The following CDC25B variants were observed in gnomAD, a reference collection of about 807,000 sequenced individuals.
CDC25B encodes the protein M-phase inducer phosphatase 2.
In CDC25B, 33 loss-of-function variants were observed where a neutral mutation model predicts 69.8. The ratio of observed to expected loss-of-function variants is 0.47; its 90% CI spans 0.36 to 0.63. CDC25B has a LOEUF of 0.63. Ranked by LOEUF, CDC25B falls within the 30% of genes least tolerant of loss-of-function variation. The pLI, the probability that CDC25B is intolerant of heterozygous loss-of-function variation, is 0.00. For synonymous variants in CDC25B, 341 were observed against 314.6 expected (o/e 1.08, Z -0.89); for missense variants, 727 against 809.1 (o/e 0.90, Z 1.23).
In CDC25B at chr20:3,800,332, A is replaced by C. The variant is rs2089232206; in HGVS notation, c.422+3A>C. On this transcript the variant is annotated splice_donor_region_variant and intron_variant, in intron 4 of 15. Coordinates refer to ENST00000245960, the MANE Select transcript of CDC25B (RefSeq NM_021873.4). Reference sequence around the variant, plus strand: ...GCAGCCAGCCGGATCATTCGAAAGTAAGTGTTCCTGGGCCTCTTCCATCTA... The same window carrying C: ...GCAGCCAGCCGGATCATTCGAAAGTCAGTGTTCCTGGGCCTCTTCCATCTA... The C allele has an allele frequency of 6.2e-7, 1 of 1,613,952 alleles. No homozygotes were observed. Among genetic ancestry groups the C allele is most frequent in the Admixed American group, 1.7e-5 (1 of 59,984 alleles).
intron 1 of CDC25B, among the ~76,000 whole-genome samples, chr20:3,788,801 CCTT>C (rs2088867373): frequency 6.6e-6 from 1 of 150,764 alleles, no homozygotes; most frequent in African/African-American, 2.4e-5. Context: ...TCCTTCCTTT[CCTT>C]CTTTCTTTCC....
At chr20:3,801,876 T>C (rs988993644) in intron 9 of CDC25B, 48 bp from the exon 10 acceptor site, 6 of 1,585,160 alleles carry the variant, frequency 3.8e-6, no homozygotes, top group Non-Finnish European at 5.2e-6. Flanking sequence ...ATTTGAGGGA[T>C]GGGACGGGGC....
rs2089448322 is a variant in CDC25B at position 3,805,543 on chromosome 20, T to C, written c.*582T>C. On this transcript the variant is annotated 3_prime_UTR_variant, in exon 16 of 16. Transcript: ENST00000245960. ...CTCTTACTCTTTCCTATTTCAGTGT[T>C]ACCTGTGTGCTTGGTCTGTTTGACT... 1 of 384,934 alleles carries C rather than the reference T, an allele frequency of 2.6e-6. No individual in the cohort carries two copies. The highest frequency in any genetic ancestry group is 4.4e-5 in the Admixed American group (1 of 22,718). The allele number at this position is 384,934 out of a possible 1,614,324, so 23.8% of individuals were successfully genotyped here.
At chr20:3,802,231 T>A (rs756408103) in intron 10 of CDC25B, 50 bp from the exon 11 acceptor site, 1 of 1,568,570 alleles carries the variant, frequency 6.4e-7, no homozygotes, top group Admixed American at 1.7e-5. Flanking sequence ...GCCAGAGCAC[T>A]GGGGGGCAGC....
intron 11 of CDC25B, 75 bp from the exon 12 acceptor site, chr20:3,802,835 A>T: frequency 7.9e-7 from 1 of 1,270,340 alleles, no homozygotes; most frequent in South Asian, 1.2e-5. Context: ...TGGGAATGAA[A>T]CTTCATTCTT....
intron 1 of CDC25B, 134 bp from the exon 2 acceptor site, chr20:3,797,488 C>T (rs1019168484): frequency 1.0e-5 from 12 of 1,192,150 alleles, no homozygotes; most frequent in African/African-American, 1.5e-5. Flanking sequence ...AGAGGGGGCC[C>T]TCAGGGCCAT....
upstream of CDC25B, among the ~76,000 whole-genome samples, chr20:3,794,730 T>C (rs991779982): frequency 2.6e-5 from 4 of 152,132 alleles, no homozygotes; most frequent in Admixed American, 1.3e-4. Flanking sequence ...AAAGGTCACG[T>C]TCCCACCTTG....
At position 3,803,482 on chromosome 20, in the gene CDC25B, A is replaced by G; in HGVS notation, c.1435A>G (p.Lys479Glu). The change falls in exon 14 of 16, where the codon AAG becomes GAG. Residue 479 changes from lysine (K) to glutamate (E), a missense_variant. Transcript: ENST00000245960. This position sits in a 1 kb window ranked among gnomAD's most constrained non-coding sequence, Gnocchi z 4.9. ...KSPIAPCSLD[K>E]RVILIFHCEF... is the part of the protein sequence containing the mutation. ...CCCCATCGCGCCCTGTAGCCTGGACAAGAGAGTCATCCTCATTTTCCACTG... is the reference window on the plus strand; with the variant it reads ...CCCCATCGCGCCCTGTAGCCTGGACGAGAGAGTCATCCTCATTTTCCACTG... The G allele has an allele frequency of 6.8e-6, 11 of 1,613,880 alleles. No individual in the cohort carries two copies. Among genetic ancestry groups the G allele is most frequent in the East Asian group, 2.2e-5 (1 of 44,842 alleles).
In CDC25B at chr20:3,800,739, C is replaced by T. The variant is rs868511318; in HGVS notation, c.460-4C>T. 6.2e-7 allele frequency: 1 copy of T among 1,608,102 alleles called. No individual in the cohort carries two copies. Among genetic ancestry groups the T allele is most frequent in the Admixed American group, 1.7e-5 (1 of 60,020 alleles). On this transcript the variant is annotated splice_polypyrimidine_tract_variant and splice_region_variant and intron_variant, in intron 5 of 15. Transcript: ENST00000245960. The stretch of plus-strand genomic sequence containing the variant: ...TCTGCCTGCCGCCCTGCCTGGCTCT[C>T]TAGGTGAGGCTGCTGGGCCACAGCC...
chr20:3,796,329 G>A lies in CDC25B; in HGVS notation c.-203G>A, dbSNP rs911488245. 3.5e-5 allele frequency: 46 copies of A among 1,326,216 alleles called. No individual in the cohort carries two copies. The highest frequency in any genetic ancestry group is 4.3e-5 in the Non-Finnish European group (45 of 1,042,542). The allele number at this position is 1,326,216 out of a possible 1,614,324, so 82.2% of individuals were successfully genotyped here. ...GCAACTAGAGGCTTCCCTGGCTGGT[G>A]CCTGAGCCCGGCGTCCCTCGCCCCC... On this transcript the variant is annotated 5_prime_UTR_variant, in exon 1 of 16. Coordinates refer to ENST00000245960, the MANE Select transcript of CDC25B (RefSeq NM_021873.4).
At position 3,804,569 on chromosome 20, in the gene CDC25B, G is replaced by T; in HGVS notation, c.1491G>T (p.Met497Ile). 6.2e-7 allele frequency: 1 copy of T among 1,608,784 alleles called. No homozygotes were observed. Among genetic ancestry groups the T allele is most frequent in the Non-Finnish European group, 8.5e-7 (1 of 1,175,246 alleles). The change falls in exon 15 of 16, where the codon ATG becomes ATT. Residue 497 changes from methionine (M) to isoleucine (I), a missense_variant and splice_region_variant. By Grantham distance (10) the Met-to-Ile change is conservative. This residue lies in a region of CDC25B where 359 missense variants were observed against 463.4 expected (regional missense o/e 0.77). Transcript: ENST00000245960. Reference sequence around the variant, plus strand: ...CCACACCCTGCCCATGACGCCCCAGGTGCCGTTTCATCAGGGAACGAGACC... The same window carrying T: ...CCACACCCTGCCCATGACGCCCCAGTTGCCGTTTCATCAGGGAACGAGACC... ...CEFSSERGPR[M>I]CRFIRERDRA...
chr20:3,801,227 G>A, intron 7 of CDC25B, 27 bp from the exon 8 acceptor site: 2 of 1,611,718 alleles, frequency 1.2e-6, no homozygotes, highest in Non-Finnish European at 1.7e-6. Context: ...CCACCTCTAA[G>A]TCTGTGTCTG....
At position 3,796,593 on chromosome 20, in the gene CDC25B, G is replaced by A; in HGVS notation, c.62G>A (p.Gly21Asp). 6.9e-7 allele frequency: 1 copy of A among 1,443,854 alleles called. No homozygotes were observed. The highest frequency in any genetic ancestry group is 1.5e-5 in the African/African-American group (1 of 67,072). The allele number at this position is 1,443,854 out of a possible 1,614,324, so 89.4% of individuals were successfully genotyped here. The change falls in exon 1 of 16, where the codon GGT becomes GAT. Residue 21 changes from glycine to aspartate, a missense_variant. By Grantham distance (94) the Gly-to-Asp change is moderately conservative. Transcript: ENST00000245960. ...GCTCTCAGTCCAGCAGGCGTGTGCG[G>A]TGGCGCCCAGCGTCCGGGCCACCTC... ...GSALSPAGVC[G>D]GAQRPGHLPG...
chr20:3,800,690 C>A, intron 5 of CDC25B, 53 bp from the exon 6 acceptor site: 1 of 1,600,248 alleles, frequency 6.2e-7, no homozygotes, highest in Non-Finnish European at 8.5e-7. Flanking sequence ...TGGGCTCGTG[C>A]CGGAGGAATG....
chr20:3,800,175 G>A, intron 3 of CDC25B, 113 bp from the exon 4 acceptor site: 6 of 668,884 alleles, frequency 9.0e-6, no homozygotes, highest in Non-Finnish European at 9.3e-6. Context: ...CCACTGCCTT[G>A]AGCCTTGGCC....
intron 3 of CDC25B, among the ~76,000 whole-genome samples, chr20:3,800,005 G>A (rs1007515827): frequency 1.3e-5 from 2 of 152,086 alleles, no homozygotes; most frequent in Non-Finnish European, 2.9e-5. Context: ...CCTTGGTGAC[G>A]CCTCCCTGAC....
intron 3 of CDC25B, among the ~76,000 whole-genome samples, chr20:3,799,525 T>TGC (rs35316200): frequency 0.021 from 1,428 of 68,732 alleles, 14 homozygotes; most frequent in Non-Finnish European, 0.029. Flanking sequence ...TGTGTGTGTG[T>TGC]GCGCGCGCGC....
Position 3,797,738 on chromosome 20 carries a change from C to T in CDC25B, c.317C>T (p.Ser106Phe). 6.2e-7 allele frequency: 1 copy of T among 1,614,082 alleles called. No homozygotes were observed. Among genetic ancestry groups the T allele is most frequent in the Non-Finnish European group, 8.5e-7 (1 of 1,180,026 alleles). ...ESSLSSESSE[S>F]SDAGLCMDSP... ...TCCCTGTCGTCTGAATCCTCCGAAT[C>T]TTCTGATGCAGGTGAGGCCCAGGGG... Residue 106 changes from serine to phenylalanine, a missense_variant, in exon 2 of 16, where the codon TCT becomes TTT. Ser to Phe is a radical substitution (Grantham distance 155). This residue lies in a region of CDC25B where 368 missense variants were observed against 345.6 expected (regional missense o/e 1.06). Coordinates refer to ENST00000245960, the MANE Select transcript of CDC25B (RefSeq NM_021873.4).
Position 3,803,465 on chromosome 20 carries a change from CG to C in CDC25B, c.1419del (p.Cys475ValfsTer48). The C allele has an allele frequency of 6.2e-7, 1 of 1,614,064 alleles. No homozygotes were observed. Among genetic ancestry groups the C allele is most frequent in the Non-Finnish European group, 8.5e-7 (1 of 1,179,984 alleles). On this transcript the variant is annotated frameshift_variant, in exon 14 of 16. Coordinates refer to ENST00000245960, the MANE Select transcript of CDC25B (RefSeq NM_021873.4). LOFTEE classifies it high-confidence loss of function. This position sits in a 1 kb window ranked among gnomAD's most constrained non-coding sequence, Gnocchi z 4.9. ...AESFLLKSPI[A>X]PCSLDKRVIL... Reference sequence around the variant, plus strand: ...AGCTTCCTACTGAAGAGCCCCATCGCGCCCTGTAGCCTGGACAAGAGAGTCA... The same window carrying C: ...AGCTTCCTACTGAAGAGCCCCATCGCCCCTGTAGCCTGGACAAGAGAGTCA...
Sources: gnomAD v4.1 joint callset for allele counts (sites outside exome capture counted in the v4.1 genomes callset) on GRCh38, gnomAD v4.1.1 for gene constraint, gnomAD v4.1.1 regional missense constraint, Gnocchi (gnomAD v3.1) non-coding constraint, MANE v1.5 for transcripts, NCBI Gene and HGNC (gene_info 2026-07-23, HGNC 2026-07-21) for gene names.